Variants in UGT2A1 observed in about 807,000 individuals in gnomAD.
The protein encoded by UGT2A1 is UDP-glucuronosyltransferase 2A1.
UGT2A1 carries 61 observed loss-of-function variants against 45.4 expected under a neutral mutation model. The ratio of observed to expected loss-of-function variants is 1.34; its 90% CI spans 1.09 to 1.66. The LOEUF (loss-of-function observed/expected upper bound fraction) is 1.66. UGT2A1 is among the 40% of genes most tolerant of loss of function. UGT2A1 has a pLI of 0.00. For synonymous variants in UGT2A1, 229 were observed against 196.2 expected (o/e 1.17, Z -1.40); for missense variants, 649 against 574.3 (o/e 1.13, Z -1.33).
rs143064060 is a variant in UGT2A1, at chr4:69,627,598, AAAAG to A, written c.847+8089_847+8092del. 2.1e-3 allele frequency among the ~76,000 whole-genome samples: 316 copies of A among 149,224 alleles called. 1 individual carries two copies. The highest frequency in any genetic ancestry group is 4.0e-3 in the African/African-American group (161 of 40,630). ...AGAGAGAAAGAAAAAAAGAAGAAAG[AAAAG>A]AAAGAAAGAAAGAGAAGAAAGAAAA... On this transcript the variant is annotated intron_variant, in intron 3 of 6. Coordinates refer to ENST00000286604, the MANE Select transcript of UGT2A1 (RefSeq NM_001252275.3).
In UGT2A1 at chr4:69,594,505, C is replaced by T. The variant is rs745764251; in HGVS notation, c.1276G>A (p.Ala426Thr). 8.1e-6 allele frequency: 13 copies of T among 1,614,082 alleles called. No homozygotes were observed. Among genetic ancestry groups the T allele is most frequent in the Middle Eastern group, 1.7e-4 (1 of 6,060 alleles). Residue 426 changes from alanine to threonine, a missense_variant, in exon 6 of 7, where the codon GCT becomes ACT. Ala to Thr is a moderately conservative substitution (Grantham distance 58, BLOSUM62 0). Transcript: ENST00000286604. ...NTMTSVDLLSALRTVINEPSY... is the reference protein window; with the variant it reads ...NTMTSVDLLSTLRTVINEPSY... ...GGTTCATTAATGACTGTTCTCAAAG[C>T]GCTAAGCAAATCCACACTTGTCATT...
At chr4:69,601,385 G>A (rs1280466621) in intron 3 of UGT2A1, among the ~76,000 whole-genome samples, 2 of 152,006 alleles carry the variant, frequency 1.3e-5, no homozygotes, top group Non-Finnish European at 2.9e-5. Flanking sequence ...GCCCTTCCCC[G>A]CCCCCCGGAG....
At chr4:69,593,985 T>G (rs7677083) in intron 6 of UGT2A1, among the ~76,000 whole-genome samples, 23,813 of 147,726 alleles carry the variant, frequency 0.16, 2,572 homozygotes, top group Non-Finnish European at 0.2. Context: ...TTGTTTGTTT[T>G]TTTTTTTGAG....
chr4:69,594,398 T>A, intron 6 of UGT2A1, 79 bp downstream of exon 6: 1 of 1,530,818 alleles, frequency 6.5e-7, no homozygotes, highest in South Asian at 1.3e-5. Flanking sequence ...ATTACAAAAG[T>A]ATAAAAGAAT....
intron 3 of UGT2A1, among the ~76,000 whole-genome samples, chr4:69,621,768 C>G (rs979487704): frequency 6.6e-6 from 1 of 151,850 alleles, no homozygotes; most frequent in Non-Finnish European, 1.5e-5. Flanking sequence ...CTATCAACGA[C>G]AGATTGGATA....
intron 2 of UGT2A1, 78 bp from the exon 3 acceptor site, chr4:69,635,900 A>G (rs1294241404): frequency 1.3e-5 from 2 of 151,100 alleles, no homozygotes; most frequent in Non-Finnish European, 2.9e-5. Context: ...GGTGCCATGC[A>G]GAACACTTGG....
chr4:69,653,113 C>T (rs1182309767), intron 1 of UGT2A1, 75 bp downstream of exon 1: 1 of 152,040 alleles, frequency 6.6e-6, no homozygotes, highest in Non-Finnish European at 1.5e-5. Flanking sequence ...ATTGATATTT[C>T]TTTAAGAAGA....
rs1321915390 is a variant in UGT2A1 at position 69,606,373 on chromosome 4, C to T, written c.848-6979G>A. Among the ~76,000 whole-genome samples the T allele has an allele frequency of 1.7e-4, 23 of 136,386 alleles. 5 individuals are homozygous for T. The highest frequency in any genetic ancestry group is 1.1e-4 in the Non-Finnish European group (7 of 64,234). 89.5% of individuals were successfully genotyped at this position (136,386 alleles called of 152,430 possible). ...AAAAGGCCTTGAAAAAATTCAACAA[C>T]GCTTCATGCTAAAAACTCTCAATAA... On this transcript the variant is annotated intron_variant, in intron 3 of 6. Transcript: ENST00000286604.
At chr4:69,633,751 T>C (rs148002971) in intron 3 of UGT2A1, among the ~76,000 whole-genome samples, 5 of 152,226 alleles carry the variant, frequency 3.3e-5, no homozygotes, top group Non-Finnish European at 7.4e-5. Context: ...GGAAAATTGA[T>C]CCATGGTTTC....
In UGT2A1 at chr4:69,602,444, A is replaced by T. The variant is rs573564433; in HGVS notation, c.848-3050T>A. ...TTAAACAAGAAAAACAATTTTTAGA[A>T]TAACAAAGATTTAGGAGTTTATCTA... On this transcript the variant is annotated intron_variant, in intron 3 of 6. Coordinates refer to ENST00000286604, the MANE Select transcript of UGT2A1 (RefSeq NM_001252275.3). Among the ~76,000 whole-genome samples the T allele has an allele frequency of 1.0e-4, 12 of 118,562 alleles. 3 individuals are homozygous for T. The South Asian group carries it at 3.4e-3, about 33-fold the overall frequency. 77.8% of individuals were successfully genotyped at this position (118,562 alleles called of 152,430 possible).
intron 3 of UGT2A1, among the ~76,000 whole-genome samples, chr4:69,615,387 C>T (rs1365252501): frequency 1.3e-5 from 2 of 151,822 alleles, no homozygotes; most frequent in Admixed American, 6.6e-5. Flanking sequence ...CAACCTCAAC[C>T]GAAAAAGCTT....
chr4:69,645,950 C>T (rs1202285583), intron 2 of UGT2A1, among the ~76,000 whole-genome samples: 3 of 151,694 alleles, frequency 2.0e-5, no homozygotes, highest in African/African-American at 7.3e-5. Flanking sequence ...CAGAAAAACT[C>T]ACATTCAGTA....
chr4:69,590,657 G>GTGTA (rs780016560), intron 6 of UGT2A1, among the ~76,000 whole-genome samples: 8 of 151,842 alleles, frequency 5.3e-5, no homozygotes, highest in Non-Finnish European at 1.2e-4. Context: ...GTGTGTGTGT[G>GTGTA]TGTTTGTGTG....
At chr4:69,634,293 C>T (rs184201628) in intron 3 of UGT2A1, among the ~76,000 whole-genome samples, 86 of 151,848 alleles carry the variant, frequency 5.7e-4, no homozygotes, top group African/African-American at 2.0e-3. Context: ...ACAACAAAAA[C>T]CCACAACACT....
chr4:69,638,788 G>T, intron 2 of UGT2A1: 1 of 1,316,178 alleles, frequency 7.6e-7, no homozygotes, highest in Non-Finnish European at 1.0e-6. Context: ...GATATAAGAA[G>T]TCCATTATCT....
At position 69,646,944 on chromosome 4, in the gene UGT2A1, T is replaced by C. The variant is rs1421274105; in HGVS notation, c.701A>G (p.Tyr234Cys). 2.5e-6 allele frequency: 4 copies of C among 1,586,444 alleles called. No homozygotes were observed. The highest frequency in any genetic ancestry group is 1.4e-5 in the African/African-American group (1 of 73,776). Residue 234 changes from tyrosine (Y) to cysteine (C), a missense_variant, in exon 2 of 7, where the codon TAT becomes TGT. Physicochemically the swap from Tyr to Cys is radical, Grantham distance 194. Coordinates refer to ENST00000286604, the MANE Select transcript of UGT2A1 (RefSeq NM_001252275.3). Reference protein sequence around the residue: ...ETLWKSWDSYYSKALGGLLLC... With the variant: ...ETLWKSWDSYCSKALGGLLLC... The stretch of plus-strand genomic sequence containing the variant: ...TTGTTACATACCTAAAGCTTTACTA[T>C]AGTATGAATCCCATGATTTCCAAAG...
intron 6 of UGT2A1, among the ~76,000 whole-genome samples, chr4:69,589,944 G>C (rs1718494422): frequency 6.6e-6 from 1 of 152,160 alleles, no homozygotes; most frequent in South Asian, 2.1e-4. Context: ...TTTTGATACT[G>C]TGTGAGCTAT....
chr4:69,593,276 T>C (rs1577941084), intron 6 of UGT2A1, among the ~76,000 whole-genome samples: 1 of 151,822 alleles, frequency 6.6e-6, no homozygotes, highest in African/African-American at 2.4e-5. Context: ...CGGTGAACAC[T>C]GAGTCCCTTA....
chr4:69,611,916 A>T (rs754751734), intron 3 of UGT2A1, among the ~76,000 whole-genome samples: 24 of 152,070 alleles, frequency 1.6e-4, no homozygotes, highest in Admixed American at 3.3e-4. Flanking sequence ...ATCTACCCTC[A>T]CTCTTACAAA....
Sources: gnomAD v4.1 joint callset for allele counts (sites outside exome capture counted in the v4.1 genomes callset) on GRCh38, gnomAD v4.1.1 for gene constraint, MANE v1.5 for transcripts, NCBI Gene and HGNC (gene_info 2026-07-23, HGNC 2026-07-21) for gene names.